PREX2: variants seen among roughly 807,000 people sequenced by gnomAD.
PREX2 encodes phosphatidylinositol 3,4,5-trisphosphate-dependent Rac exchanger 2 protein.
A neutral mutation model predicts 203.2 loss-of-function variants in PREX2; 107 were observed. The ratio of observed to expected loss-of-function variants is 0.53; its 90% CI spans 0.45 to 0.62. The LOEUF (loss-of-function observed/expected upper bound fraction) is 0.62. PREX2 is among the 20% of genes least tolerant of loss of function. The pLI, the probability that PREX2 is intolerant of heterozygous loss-of-function variation, is 0.00. For synonymous variants in PREX2, 672 were observed against 663.6 expected (o/e 1.01, Z -0.19); for missense variants, 1,777 against 1,955.9 (o/e 0.91, Z 1.72).
At chr8:68,112,967 C>T (rs569841085) in intron 25 of PREX2, among the ~76,000 whole-genome samples, 1 of 152,164 alleles carries the variant, frequency 6.6e-6, no homozygotes, top group African/African-American at 2.4e-5. Flanking sequence ...ATACTGTATA[C>T]AAAAATCTTT....
chr8:68,019,642 C>A lies in PREX2; in HGVS notation c.307C>A (p.Gln103Lys). 6.2e-7 allele frequency: 1 copy of A among 1,612,714 alleles called. No individual in the cohort carries two copies. The highest frequency in any genetic ancestry group is 8.5e-7 in the Non-Finnish European group (1 of 1,179,554). Residue 103 changes from glutamine to lysine, a missense_variant, in exon 3 of 40, where the codon CAA (glutamine) becomes AAA (lysine). Gln to Lys is a moderately conservative substitution (Grantham distance 53, BLOSUM62 1). Coordinates refer to ENST00000288368, the MANE Select transcript of PREX2 (RefSeq NM_024870.4). ...CTTACACCCCGAACCTAATGCTCAA[C>A]AAGAAGTGGGAACCTGCTTTCTTCA... is the stretch of plus-strand genomic sequence containing the variant. ...ECLHPEPNAQ[Q>K]EVGTCFLHFK...
chr8:68,030,861 C>CA (rs1369689314), intron 6 of PREX2, among the ~76,000 whole-genome samples: 1 of 151,926 alleles, frequency 6.6e-6, no homozygotes, highest in Non-Finnish European at 1.5e-5. Flanking sequence ...AACCTTGACC[C>CA]AATAAGTTTG....
chr8:68,108,264 A>C lies in PREX2; in HGVS notation c.2871A>C (p.Ala957=). 1 of 1,614,018 alleles carries C rather than the reference A, an allele frequency of 6.2e-7. No individual in the cohort carries two copies. The highest frequency in any genetic ancestry group is 1.1e-5 in the South Asian group (1 of 91,070). ...YPKTSTSLGS[A]FGVQLDSRKH... ...AAACATCAACCTCTTTGGGAAGTGC[A>C]TTTGGTGTTCAGTTGGATAGCAGGA... Residue 957 remains alanine (A), a synonymous_variant, in exon 24 of 40, where the codon GCA becomes GCC. Transcript: ENST00000288368.
At chr8:68,146,651 G>A (rs1469075557) in intron 34 of PREX2, among the ~76,000 whole-genome samples, 1 of 152,032 alleles carries the variant, frequency 6.6e-6, no homozygotes, top group African/African-American at 2.4e-5. Context: ...AATCATTACA[G>A]TTTCATGGTT....
At chr8:68,105,251 C>A in intron 23 of PREX2, 1 of 1,367,794 alleles carries the variant, frequency 7.3e-7, no homozygotes, top group Non-Finnish European at 9.8e-7. Flanking sequence ...CTATGGAGTT[C>A]CTCCTGCTGC....
At chr8:68,169,821 G>A (rs984479980) in intron 35 of PREX2, among the ~76,000 whole-genome samples, 5 of 152,052 alleles carry the variant, frequency 3.3e-5, no homozygotes, top group African/African-American at 9.7e-5. Flanking sequence ...CCCTGATTCC[G>A]TTCCATCAGG....
intron 3 of PREX2, among the ~76,000 whole-genome samples, chr8:68,021,806 T>G (rs1342092920): frequency 6.6e-6 from 1 of 152,206 alleles, no homozygotes; most frequent in Non-Finnish European, 1.5e-5. Flanking sequence ...GGTTCATTTG[T>G]CTACTTGAAT....
intron 1 of PREX2, 39 bp from the exon 2 acceptor site, chr8:68,017,807 C>T: frequency 2.0e-6 from 3 of 1,536,882 alleles, no homozygotes; most frequent in Non-Finnish European, 2.7e-6. Context: ...ATTTTATTAA[C>T]CTAATGTTAC....
chr8:68,155,996 A>C (rs1193790037), intron 34 of PREX2, among the ~76,000 whole-genome samples: 1 of 152,192 alleles, frequency 6.6e-6, no homozygotes, highest in Non-Finnish European at 1.5e-5. Context: ...TGAAGGTTAT[A>C]CAAGAATGTG....
At chr8:67,967,758 A>G (rs1011593102) in intron 1 of PREX2, among the ~76,000 whole-genome samples, 10 of 152,144 alleles carry the variant, frequency 6.6e-5, no homozygotes, top group Non-Finnish European at 1.2e-4. Context: ...CATTTTTCTT[A>G]TTTAAGGCCT....
At chr8:68,164,355 TATATATATATACACACACACAC>T in intron 35 of PREX2, among the ~76,000 whole-genome samples, 1 of 151,072 alleles carries the variant, frequency 6.6e-6, no homozygotes, top group South Asian at 2.1e-4. Context: ...ATGTATTATA[TATATATATATACACACACACAC>T]ATATATATAC....
chr8:68,125,132 A>G (rs1199280320), intron 30 of PREX2, among the ~76,000 whole-genome samples: 1 of 152,132 alleles, frequency 6.6e-6, no homozygotes, highest in Non-Finnish European at 1.5e-5. Context: ...TTAAAAAAGC[A>G]TTAGGATCAT....
chr8:68,183,526 C>T (rs922197325), intron 35 of PREX2, among the ~76,000 whole-genome samples: 7 of 152,126 alleles, frequency 4.6e-5, no homozygotes, highest in Admixed American at 4.6e-4. Context: ...CATTGTGTTG[C>T]CATTCGAAAA....
chr8:68,146,379 C>G, intron 34 of PREX2, 27 bp downstream of exon 34: 2 of 1,557,758 alleles, frequency 1.3e-6, no homozygotes, highest in East Asian at 2.3e-5. Context: ...TTGATGGCTG[C>G]TATACTTTAA....
intron 28 of PREX2, among the ~76,000 whole-genome samples, chr8:68,119,888 T>G (rs1810734931): frequency 6.6e-6 from 1 of 152,174 alleles, no homozygotes; most frequent in African/African-American, 2.4e-5. Context: ...TTGTTTTACA[T>G]TAACAAAATT....
At chr8:68,182,755 G>A (rs375066896) in intron 35 of PREX2, among the ~76,000 whole-genome samples, 140 of 151,986 alleles carry the variant, frequency 9.2e-4, no homozygotes, top group African/African-American at 3.0e-3. Flanking sequence ...TTATGGGATT[G>A]CAAATTTAAA....
chr8:68,012,115 A>C (rs578088883), intron 1 of PREX2, among the ~76,000 whole-genome samples: 4 of 152,158 alleles, frequency 2.6e-5, no homozygotes, highest in Non-Finnish European at 5.9e-5. Flanking sequence ...TATGTAACAT[A>C]CCAATCGTAT....
At chr8:68,203,516 C>G (rs1014446428) in intron 37 of PREX2, among the ~76,000 whole-genome samples, 1 of 152,068 alleles carries the variant, frequency 6.6e-6, no homozygotes, top group African/African-American at 2.4e-5. Context: ...GCAGAGAAGG[C>G]TTTACAGAGA....
intron 3 of PREX2, 140 bp downstream of exon 3, chr8:68,019,811 G>A (rs1807513068): frequency 1.4e-6 from 1 of 740,302 alleles, no homozygotes; most frequent in Non-Finnish European, 2.2e-6. Flanking sequence ...AGGCCAATGA[G>A]ATCTTCCACT....
Sources: gnomAD v4.1 joint callset for allele counts (sites outside exome capture counted in the v4.1 genomes callset) on GRCh38, gnomAD v4.1.1 for gene constraint, MANE v1.5 for transcripts, NCBI Gene and HGNC (gene_info 2026-07-23, HGNC 2026-07-21) for gene names.